ADGRV1: variants seen among roughly 807,000 people sequenced by gnomAD.
ADGRV1 encodes the protein adhesion G protein-coupled receptor V1.
Under a neutral mutation model 596.2 loss-of-function variants are expected in ADGRV1, and 359 were observed. The observed-to-expected ratio is 0.60, with a 90% CI of 0.55 to 0.66. ADGRV1 has a LOEUF of 0.66. Among genes scored for constraint, ADGRV1 ranks in the 30% least tolerant of loss-of-function variants. The pLI is 0.00. For missense variants in ADGRV1, 7,274 were observed against 7,575.6 expected (o/e 0.96, Z 1.48); for synonymous variants, 2,681 against 2,679.2 (o/e 1.00, Z -0.02).
intron 85 of ADGRV1, among the ~76,000 whole-genome samples, chr5:91,057,746 G>A (rs1787016319): frequency 6.6e-6 from 1 of 152,200 alleles, no homozygotes; most frequent in African/African-American, 2.4e-5. Flanking sequence ...GTGACAGAAT[G>A]TTGGTTTGGG....
In ADGRV1 at chr5:91,002,567, C is replaced by T. The variant is rs189381044; in HGVS notation, c.18152+17045C>T. On this transcript the variant is annotated intron_variant, in intron 85 of 89. Coordinates refer to ENST00000405460, the MANE Select transcript of ADGRV1 (RefSeq NM_032119.4). ...TCCTTTGGGTTTGTCTTCTTGGATC[C>T]TATTTAGACTTCCAAGCCATTTTCT... 1.8e-3 allele frequency among the ~76,000 whole-genome samples: 274 copies of T among 152,174 alleles called. 1 individual carries two copies. Among genetic ancestry groups the T allele is most frequent in the Non-Finnish European group, 2.9e-3 (198 of 68,012 alleles).
chr5:90,729,851 A>G (rs1385447480), intron 50 of ADGRV1, 87 bp downstream of exon 50: 2 of 1,338,280 alleles, frequency 1.5e-6, no homozygotes, highest in Non-Finnish European at 2.1e-6. Context: ...ATTTAGTATC[A>G]CATTGCCAGA....
intron 85 of ADGRV1, among the ~76,000 whole-genome samples, chr5:91,052,601 A>G (rs746930967): frequency 1.3e-5 from 2 of 151,876 alleles, no homozygotes; most frequent in Non-Finnish European, 2.9e-5. Context: ...CGCCTGGCTA[A>G]TTTTTGGATT....
intron 83 of ADGRV1, among the ~76,000 whole-genome samples, chr5:90,879,492 T>C (rs1423617101): frequency 1.3e-5 from 2 of 152,210 alleles, no homozygotes; most frequent in Admixed American, 6.5e-5. Flanking sequence ...TGTGATATAA[T>C]TTTGATTATG....
At chr5:90,953,533 G>C (rs749701335) in intron 83 of ADGRV1, among the ~76,000 whole-genome samples, 3 of 151,946 alleles carry the variant, frequency 2.0e-5, no homozygotes, top group Non-Finnish European at 2.9e-5. Flanking sequence ...ATTTTTATCA[G>C]TTTGCGAGTT....
intron 85 of ADGRV1, among the ~76,000 whole-genome samples, chr5:91,019,883 TTAAC>T (rs1282895222): frequency 6.6e-6 from 1 of 152,006 alleles, no homozygotes; most frequent in African/African-American, 2.4e-5. Context: ...ATACATTTGT[TTAAC>T]TATTTCCTAC....
chr5:90,842,663 A>T (rs1765534598), intron 78 of ADGRV1, among the ~76,000 whole-genome samples: 1 of 152,146 alleles, frequency 6.6e-6, no homozygotes, highest in Non-Finnish European at 1.5e-5. Flanking sequence ...GGTTGCAGTG[A>T]GCCGAGATGG....
intron 42 of ADGRV1, 83 bp downstream of exon 42, chr5:90,712,511 A>G (rs575330288): frequency 9.6e-7 from 1 of 1,039,466 alleles, no homozygotes; most frequent in Admixed American, 2.6e-5. Flanking sequence ...GGAATGAGAA[A>G]GTCTTGGTGG....
intron 64 of ADGRV1, among the ~76,000 whole-genome samples, chr5:90,780,882 T>G (rs1456233178): frequency 6.6e-6 from 1 of 152,150 alleles, no homozygotes; most frequent in Non-Finnish European, 1.5e-5. Context: ...TTAAAATTAG[T>G]TTTTAGTAGA....
At chr5:90,645,456 A>G (rs1207434550) in intron 15 of ADGRV1, among the ~76,000 whole-genome samples, 2 of 152,106 alleles carry the variant, frequency 1.3e-5, no homozygotes, top group African/African-American at 4.8e-5. Flanking sequence ...CCACCTGGGG[A>G]TCCATTTAGG....
At chr5:90,956,648 CGTT>C (rs1777508676) in intron 83 of ADGRV1, among the ~76,000 whole-genome samples, 1 of 152,150 alleles carries the variant, frequency 6.6e-6, no homozygotes, top group Non-Finnish European at 1.5e-5. Flanking sequence ...CCTTTGCACT[CGTT>C]GTTCTTCCTT....
intron 85 of ADGRV1, among the ~76,000 whole-genome samples, chr5:91,061,265 G>A (rs1315227795): frequency 6.6e-6 from 1 of 152,190 alleles, no homozygotes; most frequent in Non-Finnish European, 1.5e-5. Flanking sequence ...ATGAAATGCT[G>A]ATGGGGCTTG....
intron 89 of ADGRV1, among the ~76,000 whole-genome samples, chr5:91,159,295 A>T (rs1796743098): frequency 6.6e-6 from 1 of 152,190 alleles, no homozygotes; most frequent in Non-Finnish European, 1.5e-5. Flanking sequence ...GCAGGCTCCA[A>T]ATTCATGTTT....
At chr5:90,891,826 A>G (rs1770853728) in intron 83 of ADGRV1, among the ~76,000 whole-genome samples, 1 of 151,996 alleles carries the variant, frequency 6.6e-6, no homozygotes, top group Non-Finnish European at 1.5e-5. Context: ...CCATGTAAAT[A>G]TGTAATATTT....
intron 17 of ADGRV1, among the ~76,000 whole-genome samples, chr5:90,650,887 A>G (rs746794447): frequency 1.3e-5 from 2 of 152,196 alleles, no homozygotes; most frequent in African/African-American, 2.4e-5. Context: ...CTCAGGAATG[A>G]TAAGTTAGGT....
chr5:90,803,515 G>C (rs1427132518), intron 71 of ADGRV1, among the ~76,000 whole-genome samples: 1 of 152,090 alleles, frequency 6.6e-6, no homozygotes, highest in African/African-American at 2.4e-5. Context: ...ACTCCTTCAG[G>C]TGGGAGCTGA....
chr5:90,812,948 G>A (rs1287657484), intron 74 of ADGRV1, among the ~76,000 whole-genome samples: 1 of 151,066 alleles, frequency 6.6e-6, no homozygotes, highest in Admixed American at 6.6e-5. Flanking sequence ...TGACTAACAC[G>A]GTGAAACCCC....
rs200212083 is a variant in ADGRV1 at position 90,783,250 on chromosome 5, A to G, written c.13358A>G (p.His4453Arg). 752 of 1,613,512 alleles carry G rather than the reference A, an allele frequency of 4.7e-4. No individual in the cohort carries two copies. Among genetic ancestry groups the G allele is most frequent in the Non-Finnish European group, 5.8e-4 (683 of 1,179,628 alleles). Reference sequence around the variant, plus strand: ...CCCGGAGGTGTTGATTACATTTTGCATGGCAGTACAGTCACCTTTCAGCAT... The same window carrying G: ...CCCGGAGGTGTTGATTACATTTTGCGTGGCAGTACAGTCACCTTTCAGCAT... ...ASPGGVDYIL[H>R]GSTVTFQHGQ... Residue 4453 changes from histidine (H) to arginine (R), a missense_variant, in exon 66 of 90, where the codon CAT (histidine) becomes CGT (arginine). This residue lies in a region of ADGRV1 where 3,643 missense variants were observed against 3,809.2 expected (regional missense o/e 0.96). Coordinates refer to ENST00000405460, the MANE Select transcript of ADGRV1 (RefSeq NM_032119.4).
chr5:90,976,344 A>ATATATG (rs1554185169), intron 84 of ADGRV1, among the ~76,000 whole-genome samples: 21 of 143,352 alleles, frequency 1.5e-4, no homozygotes, highest in African/African-American at 5.0e-4. Flanking sequence ...ATATATATAT[A>ATATATG]TATATGTATA....
Sources: gnomAD v4.1 joint callset for allele counts (sites outside exome capture counted in the v4.1 genomes callset) on GRCh38, gnomAD v4.1.1 for gene constraint, gnomAD v4.1.1 regional missense constraint, MANE v1.5 for transcripts, NCBI Gene and HGNC (gene_info 2026-07-23, HGNC 2026-07-21) for gene names.